Variants in UNC5C observed in about 807,000 individuals in gnomAD.
UNC5C encodes the protein unc-5 netrin receptor C.
UNC5C carries 47 observed loss-of-function variants against 99.8 expected under a neutral mutation model. The observed-to-expected ratio is 0.47, with a 90% CI of 0.37 to 0.60. UNC5C has a LOEUF of 0.60. Ranked by LOEUF, UNC5C falls within the 20% of genes least tolerant of loss-of-function variation. The pLI is 0.00. For missense variants in UNC5C, 1,062 were observed against 1,165.9 expected, an observed-to-expected ratio of 0.91 and a Z score of 1.30; for synonymous variants, 487 against 452.2, an observed-to-expected ratio of 1.08 and a Z score of -0.98.
At chr4:95,232,118 C>T (rs1738935254) in intron 7 of UNC5C, among the ~76,000 whole-genome samples, 1 of 151,924 alleles carries the variant, frequency 6.6e-6, no homozygotes. Flanking sequence ...GCATAAATGC[C>T]TGAAATTTAA....
intron 1 of UNC5C, among the ~76,000 whole-genome samples, chr4:95,495,278 T>A (rs1721600144): frequency 6.6e-6 from 1 of 151,512 alleles, no homozygotes; most frequent in Non-Finnish European, 1.5e-5. Flanking sequence ...ATTCCTTTTA[T>A]CACTTGTAAC....
rs541297241 is a variant in UNC5C at position 95,358,094 on chromosome 4, A to T, written c.125-22463T>A. 4.6e-5 allele frequency among the ~76,000 whole-genome samples: 7 copies of T among 152,302 alleles called. No homozygotes were observed. In the East Asian group the frequency reaches 1.2e-3, roughly 25 times the overall value. ...ACCATCATACAATATTTACAAAAAAACAAGCAACAAAAAAAACACCACTGC... is the reference window on the plus strand; with the variant it reads ...ACCATCATACAATATTTACAAAAAATCAAGCAACAAAAAAAACACCACTGC... On this transcript the variant is annotated intron_variant, in intron 1 of 15. Transcript: ENST00000453304.
chr4:95,182,952 A>G lies in UNC5C; in HGVS notation c.2396T>C (p.Val799Ala). 1 of 1,613,982 alleles carries G rather than the reference A, an allele frequency of 6.2e-7. No homozygotes were observed. Reference protein sequence around the residue: ...NTVELVCKLCVRQVEGEGQIF... With the variant: ...NTVELVCKLCARQVEGEGQIF... ...CTGCCCTTCTCCTTCCACCTGCCGC[A>G]CACAGAGTTTGCAAACCAGCTCCAC... is the stretch of plus-strand genomic sequence containing the variant. Residue 799 changes from valine (V) to alanine (A), a missense_variant, in exon 14 of 16, where the codon GTG becomes GCG. Coordinates refer to ENST00000453304, the MANE Select transcript of UNC5C (RefSeq NM_003728.4).
intron 1 of UNC5C, among the ~76,000 whole-genome samples, chr4:95,347,774 A>G (rs973017555): frequency 1.3e-5 from 2 of 152,088 alleles, no homozygotes; most frequent in African/African-American, 4.8e-5. Flanking sequence ...TGGAGTAAAG[A>G]ATTGAATCTA....
At chr4:95,191,582 C>G (rs543847377) in intron 12 of UNC5C, among the ~76,000 whole-genome samples, 2 of 151,730 alleles carry the variant, frequency 1.3e-5, no homozygotes, top group South Asian at 2.1e-4. Flanking sequence ...CTCCTCTATT[C>G]ACCTTTCTCC....
chr4:95,292,586 A>G (rs534965213), intron 3 of UNC5C, among the ~76,000 whole-genome samples: 1 of 152,288 alleles, frequency 6.6e-6, no homozygotes, highest in Admixed American at 6.5e-5. Flanking sequence ...GAGGGGGTAC[A>G]GAATACAAAC....
intron 1 of UNC5C, among the ~76,000 whole-genome samples, chr4:95,492,638 C>G (rs1340057506): frequency 6.6e-6 from 1 of 151,378 alleles, no homozygotes; most frequent in Non-Finnish European, 1.5e-5. Context: ...CACAAAAATT[C>G]ACGTTATCAC....
intron 1 of UNC5C, among the ~76,000 whole-genome samples, chr4:95,536,219 G>A (rs1214438868): frequency 1.3e-5 from 2 of 151,868 alleles, no homozygotes. Flanking sequence ...GGGACTACAG[G>A]TGCATGCCAC....
At chr4:95,177,909 T>G (rs1450775240) in intron 14 of UNC5C, among the ~76,000 whole-genome samples, 1 of 151,522 alleles carries the variant, frequency 6.6e-6, no homozygotes, top group Non-Finnish European at 1.5e-5. Context: ...GGTCTCACTG[T>G]GTTGTCCAGA....
intron 1 of UNC5C, among the ~76,000 whole-genome samples, chr4:95,422,898 T>A (rs1035662016): frequency 6.6e-6 from 1 of 152,202 alleles, no homozygotes; most frequent in Non-Finnish European, 1.5e-5. Flanking sequence ...ACATGAATAC[T>A]ATGAGGAAGG....
chr4:95,418,851 T>C (rs1746241347), intron 1 of UNC5C, among the ~76,000 whole-genome samples: 1 of 152,142 alleles, frequency 6.6e-6, no homozygotes, highest in Admixed American at 6.5e-5. Flanking sequence ...TCACAGCACA[T>C]GTGCAGCCCA....
At chr4:95,219,338 C>T (rs2149367864) in intron 8 of UNC5C, 25 bp from the exon 9 acceptor site, 1 of 1,597,492 alleles carries the variant, frequency 6.3e-7, no homozygotes. Context: ...GAAAATAATC[C>T]CATTGGCATT....
intron 1 of UNC5C, among the ~76,000 whole-genome samples, chr4:95,541,233 A>C (rs1231260728): frequency 6.6e-6 from 1 of 152,182 alleles, no homozygotes; most frequent in East Asian, 1.9e-4. Context: ...ACAATTCGTA[A>C]GTTTTAAACT....
intron 1 of UNC5C, among the ~76,000 whole-genome samples, chr4:95,390,873 T>G (rs1395517045): frequency 6.6e-6 from 1 of 152,120 alleles, no homozygotes; most frequent in Non-Finnish European, 1.5e-5. Flanking sequence ...ACTACAGGCT[T>G]GAGACACCAC....
intron 12 of UNC5C, among the ~76,000 whole-genome samples, chr4:95,191,478 C>T (rs1036833940): frequency 2.0e-5 from 3 of 152,068 alleles, no homozygotes; most frequent in African/African-American, 7.2e-5. Context: ...TAGGGTCCCA[C>T]AGCGGATCTG....
chr4:95,283,954 G>T (rs531577293), intron 3 of UNC5C, among the ~76,000 whole-genome samples: 2 of 152,224 alleles, frequency 1.3e-5, no homozygotes, highest in South Asian at 2.1e-4. Context: ...CATGAATATT[G>T]GCTTAATAAA....
At chr4:95,331,335 AG>A (rs1743102966) in intron 2 of UNC5C, among the ~76,000 whole-genome samples, 1 of 152,118 alleles carries the variant, frequency 6.6e-6, no homozygotes, top group African/African-American at 2.4e-5. Context: ...GTAGATGCCA[AG>A]TAGTGGTATT....
At chr4:95,305,054 C>T (rs1742012803) in intron 2 of UNC5C, among the ~76,000 whole-genome samples, 1 of 152,190 alleles carries the variant, frequency 6.6e-6, no homozygotes, top group African/African-American at 2.4e-5. Context: ...TTGTTTGGCT[C>T]AGGCTCCCTG....
intron 3 of UNC5C, among the ~76,000 whole-genome samples, chr4:95,291,884 A>G (rs1246819641): frequency 6.6e-6 from 1 of 152,066 alleles, no homozygotes; most frequent in Non-Finnish European, 1.5e-5. Context: ...TGGTTGTTAT[A>G]CAAGGTATCA....
Sources: allele counts gnomAD v4.1 joint callset (sites outside exome capture counted in the v4.1 genomes callset), GRCh38; gene constraint gnomAD v4.1.1; transcripts MANE v1.5; gene names NCBI Gene and HGNC (gene_info 2026-07-23, HGNC 2026-07-21).